Variants in GLI3 observed in about 807,000 individuals in gnomAD.
The protein encoded by GLI3 is GLI family zinc finger 3.
In GLI3, 20 loss-of-function variants were observed where a neutral mutation model predicts 100.8. The ratio of observed to expected loss-of-function variants is 0.20; its 90% CI spans 0.14 to 0.29. The LOEUF is 0.29. GLI3 is among the 10% of genes least tolerant of loss of function. GLI3 has a pLI of 1.00. For missense variants in GLI3, 2,040 were observed against 2,128.5 expected (o/e 0.96, Z 0.82); for synonymous variants, 938 against 860.5 (o/e 1.09, Z -1.58).
At chr7:42,147,883 A>C (rs999764673) in intron 3 of GLI3, among the ~76,000 whole-genome samples, 1 of 152,064 alleles carries the variant, frequency 6.6e-6, no homozygotes, top group African/African-American at 2.4e-5. Flanking sequence ...TCATAACAAC[A>C]AATTTTTCTC....
At position 41,990,196 on chromosome 7, in the gene GLI3, C is replaced by T. The variant is rs138524129; in HGVS notation, c.1498-11448G>A. Reference sequence around the variant, plus strand: ...ACAGAGAAGATTTAATTTTTAGTCTCCTTGATTACAAAGGTAGGCACAAAG... The same window carrying T: ...ACAGAGAAGATTTAATTTTTAGTCTTCTTGATTACAAAGGTAGGCACAAAG... On this transcript the variant is annotated intron_variant, in intron 10 of 14. Transcript: ENST00000395925. 4.8e-3 allele frequency among the ~76,000 whole-genome samples: 727 copies of T among 151,844 alleles called. 3 individuals carry two copies. Among genetic ancestry groups the T allele is most frequent in the Middle Eastern group, 0.01 (3 of 294 alleles).
intron 1 of GLI3, among the ~76,000 whole-genome samples, chr7:42,247,458 A>G (rs143095331): frequency 2.0e-5 from 3 of 152,198 alleles, no homozygotes; most frequent in Non-Finnish European, 4.4e-5. Flanking sequence ...AGAGACAGCA[A>G]TTCTTCCGCA....
Position 41,965,085 on chromosome 7 carries a change from C to A in GLI3, c.3988G>T (p.Asp1330Tyr). 3 of 1,613,816 alleles carry A rather than the reference C, an allele frequency of 1.9e-6. No homozygotes were observed. Among genetic ancestry groups the A allele is most frequent in the South Asian group, 2.2e-5 (2 of 91,078 alleles). ...CCTGCCCCCGGGTGCTGCATGCTGT[C>A]GCCGAGGAGCTGGTGAGCCAGGTAC... ...QGYLAHQLLG[D>Y]SMQHPGAGRP... The change falls in exon 15 of 15, where the codon GAC becomes TAC. Residue 1330 changes from aspartate to tyrosine, a missense_variant. By Grantham distance (160) the Asp-to-Tyr change is radical (BLOSUM62 -3). Transcript: ENST00000395925.
At position 42,025,333 on chromosome 7, in the gene GLI3, C is replaced by T. The variant is rs760816574; in HGVS notation, c.1287G>A (p.Pro429=). 34 of 1,614,022 alleles carry T rather than the reference C, an allele frequency of 2.1e-5. No individual in the cohort carries two copies. The Middle Eastern group carries it at 1.5e-3, about 70-fold the overall frequency. ...SESAVSSTGD[P]MHNKRSKIKP... is the part of the protein sequence containing the mutation. Reference sequence around the variant, plus strand: ...TGATCTTGGACCTCTTGTTGTGCATCGGGTCACCAGTGCTGCTCACTGCAG... The same window carrying T: ...TGATCTTGGACCTCTTGTTGTGCATTGGGTCACCAGTGCTGCTCACTGCAG... Residue 429 remains proline (P), a synonymous_variant, in exon 9 of 15, where the codon CCG becomes CCA. Coordinates refer to ENST00000395925, the MANE Select transcript of GLI3 (RefSeq NM_000168.6).
intron 10 of GLI3, among the ~76,000 whole-genome samples, chr7:41,982,175 A>G (rs1354911766): frequency 1.3e-5 from 2 of 152,152 alleles, no homozygotes; most frequent in South Asian, 2.1e-4. Context: ...TTTTCTTTAA[A>G]TGAAATTCTA....
chr7:42,190,347 C>T (rs10951671), intron 2 of GLI3, among the ~76,000 whole-genome samples: 22,071 of 152,056 alleles, frequency 0.15, 2,093 homozygotes, highest in Non-Finnish European at 0.22. Context: ...ATTAGAAAGA[C>T]AGACAATACA....
At chr7:42,187,102 T>G (rs1476759721) in intron 2 of GLI3, among the ~76,000 whole-genome samples, 3 of 151,580 alleles carry the variant, frequency 2.0e-5, no homozygotes, top group African/African-American at 7.3e-5. Context: ...TCCCAGCTAC[T>G]TGGGAGGTTG....
At chr7:41,988,456 T>TC (rs1280836708) in intron 10 of GLI3, among the ~76,000 whole-genome samples, 1 of 83,062 alleles carries the variant, frequency 1.2e-5, no homozygotes, top group Non-Finnish European at 2.1e-5. Flanking sequence ...AGAATGAAAC[T>TC]CCATCTCAAA....
At chr7:41,981,482 G>A (rs1227797464) in intron 10 of GLI3, among the ~76,000 whole-genome samples, 1 of 152,212 alleles carries the variant, frequency 6.6e-6, no homozygotes, top group Non-Finnish European at 1.5e-5. Flanking sequence ...GGCTAAGAAG[G>A]AGGTGCCAAC....
intron 10 of GLI3, among the ~76,000 whole-genome samples, chr7:41,993,412 T>C (rs1259364612): frequency 6.6e-6 from 1 of 152,206 alleles, no homozygotes. Context: ...ATCCTGGTCC[T>C]GATGACCCCA....
chr7:41,974,407 C>A (rs754013982), intron 12 of GLI3, among the ~76,000 whole-genome samples: 2 of 152,170 alleles, frequency 1.3e-5, no homozygotes, highest in Non-Finnish European at 2.9e-5. Context: ...ACCCTTCACA[C>A]AACTTTTGCC....
upstream of GLI3, among the ~76,000 whole-genome samples, chr7:42,239,957 T>C (rs1788907278): frequency 6.6e-6 from 1 of 152,194 alleles, no homozygotes; most frequent in Admixed American, 6.5e-5. Context: ...AAATCTTACG[T>C]AGAATCCCAA....
chr7:42,191,096 G>A (rs1301462823), intron 2 of GLI3, among the ~76,000 whole-genome samples: 1 of 151,550 alleles, frequency 6.6e-6, no homozygotes, highest in Non-Finnish European at 1.5e-5. Flanking sequence ...GTTGAAGCCA[G>A]TTCAATGTTA....
intron 10 of GLI3, among the ~76,000 whole-genome samples, chr7:41,994,071 C>G (rs1446122747): frequency 2.6e-5 from 4 of 152,048 alleles, no homozygotes; most frequent in Admixed American, 6.5e-5. Flanking sequence ...AATGGTAACC[C>G]TAACTTTCAA....
chr7:42,204,872 A>T (rs1184279754), intron 2 of GLI3, among the ~76,000 whole-genome samples: 4 of 152,130 alleles, frequency 2.6e-5, no homozygotes, highest in Non-Finnish European at 4.4e-5. Flanking sequence ...GGAAGTTCAA[A>T]TTTCTCTGTG....
intron 10 of GLI3, among the ~76,000 whole-genome samples, chr7:41,999,285 A>AC (rs1438854090): frequency 6.6e-6 from 1 of 152,112 alleles, no homozygotes; most frequent in African/African-American, 2.4e-5. Flanking sequence ...CTGAAAACTC[A>AC]CCCCACAGAC....
chr7:42,111,045 A>G (rs1441563066), intron 3 of GLI3, among the ~76,000 whole-genome samples: 1 of 152,232 alleles, frequency 6.6e-6, no homozygotes, highest in Non-Finnish European at 1.5e-5. Context: ...GTAAGCCTCA[A>G]TCTTCTTCTA....
At chr7:42,084,975 A>G (rs560144515) in intron 3 of GLI3, among the ~76,000 whole-genome samples, 3 of 135,232 alleles carry the variant, frequency 2.2e-5, no homozygotes, top group Non-Finnish European at 4.5e-5. Context: ...GCAGTGGCAC[A>G]ATCTCAGCTC....
Position 41,966,266 on chromosome 7 carries a change from G to T in GLI3, c.2807C>A (p.Ala936Asp). 1 of 1,607,908 alleles carries T rather than the reference G, an allele frequency of 6.2e-7. No homozygotes were observed. ...QYRLKAKYAA[A>D]TGGPPPTPLP... Reference sequence around the variant, plus strand: ...GGGCGTCGGCGGCGGCCCTCCTGTGGCAGCCGCGTACTTGGCCTTGAGGCG... The same window carrying T: ...GGGCGTCGGCGGCGGCCCTCCTGTGTCAGCCGCGTACTTGGCCTTGAGGCG... The change falls in exon 15 of 15, where the codon GCC becomes GAC. Residue 936 changes from alanine to aspartate, a missense_variant. Physicochemically the swap from Ala to Asp is moderately radical, Grantham distance 126. Transcript: ENST00000395925. This position sits in a 1 kb window ranked among gnomAD's most constrained non-coding sequence, Gnocchi z 5.8.
Sources: gnomAD v4.1 joint callset for allele counts (sites outside exome capture counted in the v4.1 genomes callset) on GRCh38, gnomAD v4.1.1 for gene constraint, Gnocchi (gnomAD v3.1) non-coding constraint, MANE v1.5 for transcripts, NCBI Gene and HGNC (gene_info 2026-07-23, HGNC 2026-07-21) for gene names.